DPP6: variants seen among roughly 807,000 people sequenced by gnomAD.
DPP6 encodes the protein A-type potassium channel modulatory protein DPP6.
In DPP6, 69 loss-of-function variants were observed where a neutral mutation model predicts 122.6. That is an observed-to-expected ratio of 0.56 (90% CI 0.46 to 0.69). The LOEUF (loss-of-function observed/expected upper bound fraction) is 0.69, where lower values mean the gene tolerates loss of function less well. DPP6 is among the 30% of genes least tolerant of loss of function. The pLI is 0.00. For synonymous variants in DPP6, 418 were observed against 433.1 expected (o/e 0.97, Z 0.43); for missense variants, 928 against 1,116.9 (o/e 0.83, Z 2.41).
chr7:153,756,438 C>A, the DPP6 span, among the ~76,000 whole-genome samples: 2 of 151,914 alleles, frequency 1.3e-5, no homozygotes, highest in African/African-American at 2.4e-5. Context: ...TTCCATTATA[C>A]GAGGCTGTTT....
chr7:154,002,312 TATATA>T (rs1394853855), intron 1 of DPP6, among the ~76,000 whole-genome samples: 2 of 152,008 alleles, frequency 1.3e-5, no homozygotes, highest in South Asian at 2.1e-4. Context: ...AGTAGCTTCC[TATATA>T]ATATAATTTG....
rs1015907178 is a variant in DPP6, at chr7:154,758,184, A to C, written c.884-11233A>C. 2.0e-5 allele frequency among the ~76,000 whole-genome samples: 3 copies of C among 152,214 alleles called. No homozygotes were observed. The East Asian group carries it at 5.8e-4, about 29-fold the overall frequency. ...TTAGGAAACAGCATGGAGTTCTGTC[A>C]GGTGGCAGACATTCTAGAATCTCTC... On this transcript the variant is annotated intron_variant, in intron 8 of 25. Coordinates refer to ENST00000377770, the MANE Select transcript of DPP6 (RefSeq NM_130797.4).
In DPP6 at chr7:154,486,368, G is replaced by A. The variant is rs1823799209; in HGVS notation, c.457+11331G>A. 1.3e-5 allele frequency among the ~76,000 whole-genome samples: 2 copies of A among 152,042 alleles called. No homozygotes were observed. The highest frequency in any genetic ancestry group is 2.4e-5 in the African/African-American group (1 of 41,394). ...AGGCTGGTCTCGAACTACTGACCTC[G>A]TGATCTGCCTACCTCGACCACCTAA... On this transcript the variant is annotated intron_variant, in intron 3 of 25. Coordinates refer to ENST00000377770, the MANE Select transcript of DPP6 (RefSeq NM_130797.4). This position sits in a 1 kb window ranked among gnomAD's most constrained non-coding sequence, Gnocchi z 4.5.
chr7:154,748,580 G>A (rs11770516), intron 8 of DPP6, among the ~76,000 whole-genome samples: 7,303 of 152,312 alleles, frequency 0.048, 230 homozygotes, highest in Non-Finnish European at 0.077. Context: ...CGAGCCCTGC[G>A]GGGCGGGGAG....
At position 154,618,549 on chromosome 7, in the gene DPP6, A is replaced by G. The variant is rs1191540727; in HGVS notation, c.628-19272A>G. On this transcript the variant is annotated intron_variant, in intron 5 of 25. Transcript: ENST00000377770. The surrounding 1 kb of genome is among the most constrained non-coding windows in gnomAD (Gnocchi z 4.1). ...TTGACTCTCATCATATTTTTAATAT[A>G]GCCCTGCATTTTCCTCATATGAAAG... 6.6e-6 allele frequency among the ~76,000 whole-genome samples: 1 copy of G among 152,212 alleles called. No individual in the cohort carries two copies. Among genetic ancestry groups the G allele is most frequent in the Non-Finnish European group, 1.5e-5 (1 of 68,042 alleles).
intron 1 of DPP6, among the ~76,000 whole-genome samples, chr7:154,444,810 A>G (rs1412278557): frequency 1.3e-5 from 2 of 152,252 alleles, no homozygotes; most frequent in African/African-American, 2.4e-5. Flanking sequence ...TTTCTCCCAA[A>G]GAAAATACTA....
At chr7:154,739,573 G>A (rs1031234481) in intron 8 of DPP6, among the ~76,000 whole-genome samples, 5 of 152,180 alleles carry the variant, frequency 3.3e-5, no homozygotes, top group South Asian at 2.1e-4. Flanking sequence ...CTTGGGAAGC[G>A]TATTCCAGGA....
At chr7:153,804,202 A>C in the DPP6 span, among the ~76,000 whole-genome samples, 1 of 151,912 alleles carries the variant, frequency 6.6e-6, no homozygotes, top group East Asian at 1.9e-4. Context: ...GGTGTGCACC[A>C]CCACACCCAG....
At chr7:154,763,506 T>G (rs949688457) in intron 8 of DPP6, among the ~76,000 whole-genome samples, 2 of 152,134 alleles carry the variant, frequency 1.3e-5, no homozygotes, top group African/African-American at 4.8e-5. Context: ...CTAGGCACAG[T>G]TCGCTTGTCC....
chr7:154,796,745 C>T (rs1051606353), intron 12 of DPP6, among the ~76,000 whole-genome samples: 9 of 152,208 alleles, frequency 5.9e-5, no homozygotes, highest in Non-Finnish European at 1.2e-4. Flanking sequence ...ACAAAACTAT[C>T]GCCATGGCTC....
At position 154,061,906 on chromosome 7, in the gene DPP6, C is replaced by A. The variant is rs1211645120; in HGVS notation, c.243+8843C>A. On this transcript the variant is annotated intron_variant, in intron 1 of 25. Coordinates refer to ENST00000377770, the MANE Select transcript of DPP6 (RefSeq NM_130797.4). ...AGGGACTGAGAGGCAATCCCTCTTC[C>A]CCCCCTGGCTCTGAGGACCCCCATC... 3.9e-5 allele frequency among the ~76,000 whole-genome samples: 5 copies of A among 129,148 alleles called. 1 individual carries two copies. The highest frequency in any genetic ancestry group is 6.9e-5 in the Non-Finnish European group (4 of 58,118). 84.7% of individuals were successfully genotyped at this position (129,148 alleles called of 152,430 possible). A position where few individuals can be genotyped will look rare whatever the true frequency, so the allele number is the denominator to read the frequency against.
chr7:154,892,800 C>A lies in DPP6; in HGVS notation c.*320C>A. The A allele has an allele frequency of 1.7e-6, 1 of 582,536 alleles. No homozygotes were observed. Among genetic ancestry groups the A allele is most frequent in the Non-Finnish European group, 3.3e-6 (1 of 303,018 alleles). 36.1% of individuals were successfully genotyped at this position (582,536 alleles called of 1,614,324 possible). A position where few individuals can be genotyped will look rare whatever the true frequency, so the allele number is the denominator to read the frequency against. ...ATGGTGGCCGCAGGCCCCACGCGAG[C>A]CCACAGGACACCGGCCCCTAGATTC... On this transcript the variant is annotated 3_prime_UTR_variant, in exon 26 of 26. Transcript: ENST00000377770.
intron 3 of DPP6, among the ~76,000 whole-genome samples, chr7:154,533,594 A>G (rs1318750925): frequency 6.6e-6 from 1 of 152,190 alleles, no homozygotes; most frequent in African/African-American, 2.4e-5. Flanking sequence ...ATGAAGCAGA[A>G]ATACTCTCAC....
chr7:154,660,008 G>A (rs1837515686), intron 6 of DPP6, among the ~76,000 whole-genome samples: 1 of 152,210 alleles, frequency 6.6e-6, no homozygotes, highest in Non-Finnish European at 1.5e-5. Context: ...TCATAAGGTT[G>A]GGACTAGGAT....
chr7:154,521,296 T>C (rs1264548989), intron 3 of DPP6, among the ~76,000 whole-genome samples: 2 of 152,168 alleles, frequency 1.3e-5, no homozygotes, highest in Non-Finnish European at 2.9e-5. Flanking sequence ...CTTAACTCTA[T>C]ATTTTCTTTT....
chr7:154,544,022 GTA>G (rs1828956237), intron 4 of DPP6, among the ~76,000 whole-genome samples: 1 of 144,362 alleles, frequency 6.9e-6, no homozygotes, highest in African/African-American at 2.6e-5. Flanking sequence ...AAGAGTTTCT[GTA>G]TGTGTAAACA....
intron 1 of DPP6, among the ~76,000 whole-genome samples, chr7:153,953,314 C>T (rs1247025941): frequency 1.3e-5 from 2 of 152,040 alleles, no homozygotes; most frequent in Non-Finnish European, 2.9e-5. Flanking sequence ...AAACGGAAGC[C>T]AAAGAAGTTG....
At chr7:153,816,685 C>T in the DPP6 span, among the ~76,000 whole-genome samples, 21 of 152,248 alleles carry the variant, frequency 1.4e-4, no homozygotes, top group South Asian at 4.4e-3. Context: ...AGAAGGAAGA[C>T]AGGATCACAT....
At chr7:154,552,475 G>T (rs1420635992) in intron 4 of DPP6, among the ~76,000 whole-genome samples, 2 of 152,170 alleles carry the variant, frequency 1.3e-5, no homozygotes. Flanking sequence ...TTGATTTCAG[G>T]AAGAACTCAT....
Sources: allele counts gnomAD v4.1 joint callset (sites outside exome capture counted in the v4.1 genomes callset), GRCh38; gene constraint gnomAD v4.1.1; non-coding constraint Gnocchi (gnomAD v3.1); transcripts MANE v1.5; gene names NCBI Gene and HGNC (gene_info 2026-07-23, HGNC 2026-07-21).